FSTL4: variants seen among roughly 807,000 people sequenced by gnomAD.
FSTL4 encodes the protein follistatin-related protein 4.
FSTL4 carries 28 observed loss-of-function variants against 78.2 expected under a neutral mutation model. That is an observed-to-expected ratio of 0.36 (90% confidence interval 0.27 to 0.49). The LOEUF (loss-of-function observed/expected upper bound fraction) is 0.49, where lower values mean the gene tolerates loss of function less well. Ranked by LOEUF, FSTL4 falls within the 20% of genes least tolerant of loss-of-function variation. FSTL4 has a pLI of 0.98. For missense variants in FSTL4, 922 were observed against 1,084.9 expected (o/e 0.85, Z 2.11); for synonymous variants, 422 against 440.5 (o/e 0.96, Z 0.53).
intron 14 of FSTL4, among the ~76,000 whole-genome samples, chr5:133,209,142 GCTCT>G (rs1750622660): frequency 6.6e-6 from 1 of 152,166 alleles, no homozygotes; most frequent in Non-Finnish European, 1.5e-5. Flanking sequence ...TGGTGTCCAG[GCTCT>G]CTGATAGGTT....
chr5:133,225,429 T>C lies in FSTL4; in HGVS notation c.1178-145A>G, dbSNP rs1751298018. ...TACGCCCAGGAAGGGCTGGCACATC[T>C]GAAATGCACTGAGGGTGAGCTGGAC... On this transcript the variant is annotated intron_variant, in intron 9 of 15. Coordinates refer to ENST00000265342, the MANE Select transcript of FSTL4 (RefSeq NM_015082.2). The surrounding 1 kb of genome is among the most constrained non-coding windows in gnomAD (Gnocchi z 4.6). 3 of 981,602 alleles carry C rather than the reference T, an allele frequency of 3.1e-6. No individual in the cohort carries two copies. The highest frequency in any genetic ancestry group is 4.6e-6 in the Non-Finnish European group (3 of 654,274). 60.8% of individuals were successfully genotyped at this position (981,602 alleles called of 1,614,324 possible). A position where few individuals can be genotyped will look rare whatever the true frequency, so the allele number is the denominator to read the frequency against.
At chr5:133,491,271 AGT>A (rs1758261478) in intron 3 of FSTL4, among the ~76,000 whole-genome samples, 1 of 152,192 alleles carries the variant, frequency 6.6e-6, no homozygotes, top group Non-Finnish European at 1.5e-5. Flanking sequence ...AGCTGTGTTA[AGT>A]GCATATAGGT....
chr5:133,584,835 T>A (rs1403207648), intron 2 of FSTL4, among the ~76,000 whole-genome samples: 2 of 37,368 alleles, frequency 5.4e-5, no homozygotes, highest in South Asian at 2.5e-3. Flanking sequence ...ATTGTCAGAT[T>A]CACCAAAGTT....
the FSTL4 span, among the ~76,000 whole-genome samples, chr5:133,730,801 GC>G: frequency 3.4e-3 from 522 of 152,336 alleles, 1 homozygote; most frequent in Non-Finnish European, 5.5e-3. Context: ...CATCTGTCTG[GC>G]TTCTGGAGCA....
chr5:133,755,421 T>C, the FSTL4 span, among the ~76,000 whole-genome samples: 15 of 152,210 alleles, frequency 9.9e-5, no homozygotes, highest in African/African-American at 3.6e-4. Flanking sequence ...ACCACCATTA[T>C]CCTTCCTCCA....
intron 8 of FSTL4, among the ~76,000 whole-genome samples, chr5:133,228,230 T>C (rs1751391811): frequency 6.6e-6 from 1 of 151,836 alleles, no homozygotes; most frequent in South Asian, 2.1e-4. Context: ...CTCTCTCAAA[T>C]AATAATAATA....
chr5:133,242,280 T>C (rs937070883), intron 7 of FSTL4, among the ~76,000 whole-genome samples: 1 of 152,162 alleles, frequency 6.6e-6, no homozygotes, highest in Non-Finnish European at 1.5e-5. Flanking sequence ...TGTCCTTGCT[T>C]AGTGCAGAGA....
At chr5:133,540,301 G>A (rs1404087188) in intron 3 of FSTL4, among the ~76,000 whole-genome samples, 3 of 151,906 alleles carry the variant, frequency 2.0e-5, no homozygotes, top group African/African-American at 7.3e-5. Flanking sequence ...TGTTGATTCT[G>A]TTTCTGCAGA....
intron 6 of FSTL4, among the ~76,000 whole-genome samples, chr5:133,290,210 A>G (rs930276192): frequency 4.6e-5 from 7 of 152,210 alleles, no homozygotes; most frequent in African/African-American, 1.7e-4. Context: ...GTGAATAAAC[A>G]ACAGGGAATT....
the FSTL4 span, among the ~76,000 whole-genome samples, chr5:133,675,100 A>AG: frequency 6.3e-3 from 962 of 152,074 alleles, 15 homozygotes; most frequent in African/African-American, 0.022. Context: ...GTGTTGGGGC[A>AG]GGGGGGTCCA....
chr5:133,202,696 C>T (rs1024025198), intron 14 of FSTL4: 6 of 152,266 alleles, frequency 3.9e-5, no homozygotes, highest in African/African-American at 1.2e-4. Flanking sequence ...AGATGTCTTG[C>T]ATTTAGAATG....
chr5:133,331,723 G>A (rs1312978944), intron 4 of FSTL4, among the ~76,000 whole-genome samples: 6 of 152,156 alleles, frequency 3.9e-5, no homozygotes, highest in Non-Finnish European at 8.8e-5. Flanking sequence ...GGACTTGAAC[G>A]ATTGACAGTA....
At chr5:133,678,811 C>T in the FSTL4 span, among the ~76,000 whole-genome samples, 1 of 151,866 alleles carries the variant, frequency 6.6e-6, no homozygotes, top group Non-Finnish European at 1.5e-5. Flanking sequence ...AAAACAGAGC[C>T]CAGGATTAAG....
chr5:133,518,697 T>A (rs1031815694), intron 3 of FSTL4, among the ~76,000 whole-genome samples: 1 of 152,242 alleles, frequency 6.6e-6, no homozygotes, highest in Non-Finnish European at 1.5e-5. Context: ...AGATGCTGAA[T>A]GCTTGTTTTT....
chr5:133,225,378 C>G lies in FSTL4; in HGVS notation c.1178-94G>C. 9 of 1,442,542 alleles carry G rather than the reference C, an allele frequency of 6.2e-6. No homozygotes were observed. Among genetic ancestry groups the G allele is most frequent in the Non-Finnish European group, 7.7e-6 (8 of 1,041,248 alleles). The allele number at this position is 1,442,542 out of a possible 1,614,324, so 89.4% of individuals were successfully genotyped here. A position where few individuals can be genotyped will look rare whatever the true frequency, so the allele number is the denominator to read the frequency against. Reference sequence around the variant, plus strand: ...ATTGAGAGTGTTAGGGCTGCCCAGCCCCTGGGCAGCCAGCAGCCCTGATTA... The same window carrying G: ...ATTGAGAGTGTTAGGGCTGCCCAGCGCCTGGGCAGCCAGCAGCCCTGATTA... On this transcript the variant is annotated intron_variant, in intron 9 of 15. Transcript: ENST00000265342. The surrounding 1 kb of genome is among the most constrained non-coding windows in gnomAD (Gnocchi z 4.6).
At chr5:133,229,522 T>TAAA in intron 8 of FSTL4, among the ~76,000 whole-genome samples, 1 of 145,692 alleles carries the variant, frequency 6.9e-6, no homozygotes, top group African/African-American at 2.5e-5. Flanking sequence ...GACCTTGTCT[T>TAAA]AAAAAAAAAA....
chr5:133,654,717 C>T, the FSTL4 span, among the ~76,000 whole-genome samples: 1 of 152,134 alleles, frequency 6.6e-6, no homozygotes, highest in African/African-American at 2.4e-5. Flanking sequence ...GGATACCAGG[C>T]AAGGGTGGAG....
the FSTL4 span, among the ~76,000 whole-genome samples, chr5:133,805,317 T>G: frequency 6.6e-6 from 1 of 152,076 alleles, no homozygotes; most frequent in African/African-American, 2.4e-5. Context: ...AGCCTCCGCC[T>G]CCACTCCCTC....
chr5:133,384,202 C>G (rs1052759483), intron 4 of FSTL4, among the ~76,000 whole-genome samples: 2 of 152,188 alleles, frequency 1.3e-5, no homozygotes, highest in African/African-American at 4.8e-5. Flanking sequence ...TGCAATGACC[C>G]TAGAGTGCAA....
Sources: allele counts gnomAD v4.1 joint callset (sites outside exome capture counted in the v4.1 genomes callset), GRCh38; gene constraint gnomAD v4.1.1; non-coding constraint Gnocchi (gnomAD v3.1); transcripts MANE v1.5; gene names NCBI Gene and HGNC (gene_info 2026-07-23, HGNC 2026-07-21).